The following HIGD1C variants were observed in gnomAD, a reference collection of about 807,000 sequenced individuals.
HIGD1C encodes HIG1 hypoxia inducible domain family member 1C.
HIGD1C carries 11 observed loss-of-function variants against 13.1 expected under a neutral mutation model. That is an observed-to-expected ratio of 0.84 (90% CI 0.53 to 1.39). The LOEUF (loss-of-function observed/expected upper bound fraction) is 1.39. Ranked by LOEUF, HIGD1C falls within the 40% of genes most tolerant of loss-of-function variation. The pLI, the probability that HIGD1C is intolerant of heterozygous loss-of-function variation, is 0.00. For missense variants in HIGD1C, 110 were observed against 112.0 expected, an observed-to-expected ratio of 0.98 and a Z score of 0.08; for synonymous variants, 36 against 37.7, an observed-to-expected ratio of 0.95 and a Z score of 0.17.
chr12:50,953,190 T>A (rs1434516355), upstream of HIGD1C, among the ~76,000 whole-genome samples: 1 of 152,192 alleles, frequency 6.6e-6, no homozygotes, highest in African/African-American at 2.4e-5. Context: ...AACAAACACC[T>A]GTTCTGATCT....
At chr12:50,932,904 G>C in the HIGD1C span, among the ~76,000 whole-genome samples, 2 of 152,142 alleles carry the variant, frequency 1.3e-5, no homozygotes, top group Non-Finnish European at 2.9e-5. Context: ...TCCTTCCTCT[G>C]TCATCTCCCC....
chr12:50,955,858 C>T (rs73090649), intron 1 of HIGD1C, among the ~76,000 whole-genome samples: 25,624 of 152,026 alleles, frequency 0.17, 2,571 homozygotes, highest in East Asian at 0.5. Context: ...AAGAGACATA[C>T]GCACCACTGT....
At chr12:50,942,367 A>G in the HIGD1C span, among the ~76,000 whole-genome samples, 1 of 152,118 alleles carries the variant, frequency 6.6e-6, no homozygotes, top group African/African-American at 2.4e-5. Context: ...TACTGCCCAC[A>G]ACCAGTCAGA....
At chr12:50,954,019 G>C (rs765903222) in exon 1 of HIGD1C, 2 of 1,612,032 alleles carry the variant, frequency 1.2e-6, no homozygotes, top group East Asian at 2.2e-5. Flanking sequence ...ATAACCAGTG[G>C]TCAGCAGATG....
intron 1 of HIGD1C, among the ~76,000 whole-genome samples, chr12:50,959,570 T>C (rs537644276): frequency 1.1e-3 from 175 of 152,352 alleles, no homozygotes; most frequent in African/African-American, 4.0e-3. Context: ...TTAGTTCTTC[T>C]CTATACCAAT....
upstream of HIGD1C, among the ~76,000 whole-genome samples, chr12:50,951,234 G>T (rs1025179359): frequency 2.0e-5 from 3 of 152,182 alleles, no homozygotes; most frequent in African/African-American, 7.2e-5. Context: ...GCAGTGGTGT[G>T]CTAGAGCCCA....
chr12:50,959,438 G>C (rs1244368841), intron 1 of HIGD1C, among the ~76,000 whole-genome samples: 3 of 151,998 alleles, frequency 2.0e-5, no homozygotes, highest in African/African-American at 7.2e-5. Flanking sequence ...TCTTATAGAT[G>C]TTATAAATAC....
At chr12:50,970,479 A>G in exon 3 of HIGD1C, 1 of 1,535,288 alleles carries the variant, frequency 6.5e-7, no homozygotes, top group Non-Finnish European at 8.8e-7. Flanking sequence ...ACATTAGACC[A>G]CGATTCTTCA....
At chr12:50,937,006 A>G in the HIGD1C span, among the ~76,000 whole-genome samples, 13 of 152,382 alleles carry the variant, frequency 8.5e-5, no homozygotes, top group South Asian at 8.3e-4. Context: ...ACCCAGAGGT[A>G]TGATTTCACA....
the HIGD1C span, among the ~76,000 whole-genome samples, chr12:50,934,472 TTGAG>T: frequency 6.6e-6 from 1 of 152,250 alleles, no homozygotes; most frequent in Non-Finnish European, 1.5e-5. Flanking sequence ...CAGATATTTA[TTGAG>T]TGTCTACTGT....
At chr12:50,934,293 G>C in the HIGD1C span, among the ~76,000 whole-genome samples, 1 of 152,188 alleles carries the variant, frequency 6.6e-6, no homozygotes, top group Non-Finnish European at 1.5e-5. Context: ...CACTGGCTTT[G>C]GCATCAAAGT....
At chr12:50,943,606 A>C in the HIGD1C span, among the ~76,000 whole-genome samples, 1 of 152,042 alleles carries the variant, frequency 6.6e-6, no homozygotes, top group Non-Finnish European at 1.5e-5. Flanking sequence ...GCTACTCAGG[A>C]GGCTGAGGCA....
chr12:50,961,432 C>T (rs1042734108), intron 2 of HIGD1C, among the ~76,000 whole-genome samples: 1 of 152,150 alleles, frequency 6.6e-6, no homozygotes, highest in Admixed American at 6.6e-5. Flanking sequence ...TGGCTGTGAT[C>T]CCCATCTCAT....
At chr12:50,955,233 G>A (rs909576635) in intron 1 of HIGD1C, among the ~76,000 whole-genome samples, 46 of 151,900 alleles carry the variant, frequency 3.0e-4, no homozygotes, top group African/African-American at 8.9e-4. Context: ...GTAGAGGTTG[G>A]GTGCAGAGCG....
chr12:50,964,268 T>G (rs1320669967), intron 2 of HIGD1C, among the ~76,000 whole-genome samples: 1 of 152,250 alleles, frequency 6.6e-6, no homozygotes, highest in Non-Finnish European at 1.5e-5. Context: ...TATATCTATA[T>G]TCATCCACTA....
the HIGD1C span, among the ~76,000 whole-genome samples, chr12:50,938,307 C>A: frequency 1.3e-5 from 2 of 152,172 alleles, no homozygotes; most frequent in Admixed American, 1.3e-4. Flanking sequence ...GTGCATGCAC[C>A]CCCTGCTAGG....
chr12:50,968,196 A>G (rs1939618029), intron 2 of HIGD1C, among the ~76,000 whole-genome samples: 1 of 152,184 alleles, frequency 6.6e-6, no homozygotes. Context: ...GGAGTTGGCT[A>G]AACAGTTTAT....
intron 1 of HIGD1C, 21 bp from the exon 4 acceptor site, chr12:50,960,947 C>G: frequency 6.5e-7 from 1 of 1,546,840 alleles, no homozygotes; most frequent in African/African-American, 1.4e-5. Flanking sequence ...TCCAAATAAC[C>G]CATACTTTTA....
chr12:50,959,137 G>A (rs1939226460), intron 1 of HIGD1C, among the ~76,000 whole-genome samples: 1 of 151,584 alleles, frequency 6.6e-6, no homozygotes. Context: ...TTTTTTTCCT[G>A]AGACGGAGTT....
Sources: gnomAD v4.1 joint callset for allele counts (sites outside exome capture counted in the v4.1 genomes callset) on GRCh38, gnomAD v4.1.1 for gene constraint, MANE v1.5 for transcripts, NCBI Gene and HGNC (gene_info 2026-07-23, HGNC 2026-07-21) for gene names.